The following FOXP1 variants were observed in gnomAD, a reference collection of about 807,000 sequenced individuals.
FOXP1 encodes forkhead box protein P1.
FOXP1 carries 15 observed loss-of-function variants against 98.2 expected under a neutral mutation model. That is an observed-to-expected ratio of 0.15 (90% CI 0.10 to 0.24). The LOEUF (loss-of-function observed/expected upper bound fraction) is 0.24. FOXP1 is among the 10% of genes least tolerant of loss of function. The pLI is 1.00. For missense variants in FOXP1, 633 were observed against 848.5 expected (o/e 0.75, Z 3.15); for synonymous variants, 371 against 314.5 (o/e 1.18, Z -1.90).
intron 2 of FOXP1, chr3:71,572,226 A>G (rs1024066570): frequency 1.3e-5 from 2 of 152,238 alleles, no homozygotes; most frequent in African/African-American, 4.8e-5. Context: ...GTAAGAGATC[A>G]GCCACTTGAT....
At chr3:71,384,116 G>C (rs2080387907) in intron 3 of FOXP1, among the ~76,000 whole-genome samples, 1 of 152,176 alleles carries the variant, frequency 6.6e-6, no homozygotes, top group African/African-American at 2.4e-5. Flanking sequence ...TTATGTGGGA[G>C]GCTGAGGCAG....
intron 5 of FOXP1, among the ~76,000 whole-genome samples, chr3:71,200,357 C>T (rs2063592889): frequency 6.6e-6 from 1 of 152,134 alleles, no homozygotes; most frequent in Non-Finnish European, 1.5e-5. Flanking sequence ...ATTGTTACCC[C>T]CAGTTTGCGG....
intron 3 of FOXP1, among the ~76,000 whole-genome samples, chr3:71,373,774 G>A (rs138671404): frequency 2.6e-5 from 4 of 152,080 alleles, no homozygotes; most frequent in Non-Finnish European, 4.4e-5. Context: ...TTCTGGACAC[G>A]CATCTTAGGT....
intron 4 of FOXP1, among the ~76,000 whole-genome samples, chr3:71,349,641 TA>T (rs55905925): frequency 0.43 from 64,006 of 149,466 alleles, 15,654 homozygotes; most frequent in East Asian, 0.73. Context: ...CATGCAAAAA[TA>T]AAAAAAAAAA....
chr3:71,100,503 G>A (rs2107661751), intron 7 of FOXP1, among the ~76,000 whole-genome samples: 1 of 152,294 alleles, frequency 6.6e-6, no homozygotes, highest in Non-Finnish European at 1.5e-5. Context: ...GGGGGCAGTG[G>A]TAGATACCAA....
At chr3:71,223,985 TG>T (rs2106651420) in intron 5 of FOXP1, among the ~76,000 whole-genome samples, 2 of 152,248 alleles carry the variant, frequency 1.3e-5, no homozygotes, top group East Asian at 3.9e-4. Context: ...AGCTGGTCAG[TG>T]AGTTGCTAAT....
intron 4 of FOXP1, among the ~76,000 whole-genome samples, chr3:71,305,290 G>A (rs1178021419): frequency 1.3e-5 from 2 of 152,134 alleles, no homozygotes; most frequent in African/African-American, 2.4e-5. Context: ...ACTGAGCCTG[G>A]ATGATGTCTC....
At chr3:71,327,991 TA>T (rs2076021887) in intron 4 of FOXP1, among the ~76,000 whole-genome samples, 1 of 152,170 alleles carries the variant, frequency 6.6e-6, no homozygotes. Flanking sequence ...GCACCTCAAA[TA>T]TTGTCATTTA....
At chr3:71,247,423 G>T (rs1185046094) in intron 5 of FOXP1, among the ~76,000 whole-genome samples, 3 of 152,180 alleles carry the variant, frequency 2.0e-5, no homozygotes, top group Non-Finnish European at 4.4e-5. Flanking sequence ...ACACCTTACG[G>T]AATGCCATTG....
At chr3:71,530,564 G>T (rs1344539729) in intron 2 of FOXP1, among the ~76,000 whole-genome samples, 1 of 152,212 alleles carries the variant, frequency 6.6e-6, no homozygotes, top group Non-Finnish European at 1.5e-5. Context: ...AGTATAGCAG[G>T]AGGAAGGAGT....
intron 7 of FOXP1, among the ~76,000 whole-genome samples, chr3:71,055,778 AC>A (rs2050545500): frequency 6.6e-6 from 1 of 152,200 alleles, no homozygotes; most frequent in African/African-American, 2.4e-5. Flanking sequence ...GCATCATCAT[AC>A]GGGGAGGTTT....
intron 3 of FOXP1, among the ~76,000 whole-genome samples, chr3:71,400,519 G>C (rs1444916431): frequency 6.6e-6 from 1 of 152,036 alleles, no homozygotes; most frequent in Non-Finnish European, 1.5e-5. Context: ...CACCATGCCT[G>C]GCTAATTTTT....
chr3:71,435,986 A>AGGAGGGAC (rs2085310908), intron 3 of FOXP1, among the ~76,000 whole-genome samples: 1 of 108,696 alleles, frequency 9.2e-6, no homozygotes. Context: ...GAAGGAGGGA[A>AGGAGGGAC]GGAGGGAGGG....
At chr3:71,490,439 A>G (rs1463455952) in intron 3 of FOXP1, among the ~76,000 whole-genome samples, 1 of 152,136 alleles carries the variant, frequency 6.6e-6, no homozygotes, top group Non-Finnish European at 1.5e-5. Context: ...TGGAGGTTGC[A>G]GTGAGCTGAG....
chr3:71,385,107 TAA>T (rs11304054), intron 3 of FOXP1, among the ~76,000 whole-genome samples: 4,526 of 138,906 alleles, frequency 0.033, 189 homozygotes, highest in South Asian at 0.095. Context: ...GAAAAGGAAG[TAA>T]AAAAAAAAAA....
intron 3 of FOXP1, among the ~76,000 whole-genome samples, chr3:71,465,502 C>T (rs1410884405): frequency 1.3e-5 from 2 of 152,068 alleles, no homozygotes; most frequent in Admixed American, 6.6e-5. Flanking sequence ...TAACCTAAGC[C>T]GTCTAACTCC....
chr3:71,114,418 A>G (rs2058199313), intron 6 of FOXP1, among the ~76,000 whole-genome samples: 1 of 152,230 alleles, frequency 6.6e-6, no homozygotes, highest in Admixed American at 6.5e-5. Context: ...TCCTAAAAGG[A>G]CACGCTCACT....
chr3:71,362,229 T>C (rs2078620261), intron 3 of FOXP1, among the ~76,000 whole-genome samples: 1 of 152,204 alleles, frequency 6.6e-6, no homozygotes, highest in Non-Finnish European at 1.5e-5. Context: ...TGGAGTGCAA[T>C]GGTATGATCT....
At chr3:71,121,382 G>A (rs13079951) in intron 6 of FOXP1, among the ~76,000 whole-genome samples, 87,992 of 150,640 alleles carry the variant, frequency 0.58, 26,949 homozygotes, top group Non-Finnish European at 0.66. Context: ...AAAAAAAAGG[G>A]GGGGGGGATA....
Sources: allele counts gnomAD v4.1 joint callset (sites outside exome capture counted in the v4.1 genomes callset), GRCh38; gene constraint gnomAD v4.1.1; transcripts MANE v1.5; gene names NCBI Gene and HGNC (gene_info 2026-07-23, HGNC 2026-07-21).